MRAP2: variants seen among roughly 807,000 people sequenced by gnomAD.
MRAP2 encodes melanocortin-2 receptor accessory protein 2.
In MRAP2, 20 loss-of-function variants were observed where a neutral mutation model predicts 17.4. That is an observed-to-expected ratio of 1.15 (90% CI 0.81 to 1.67). MRAP2 has a LOEUF of 1.67. Ranked by LOEUF, MRAP2 falls within the 40% of genes most tolerant of loss-of-function variation. The probability of loss-of-function intolerance (pLI) is 0.00; values close to 1 mark genes in which losing one functional copy is unlikely to be tolerated. For missense variants in MRAP2, 238 were observed against 240.0 expected (o/e 0.99, Z 0.05); for synonymous variants, 96 against 88.4 (o/e 1.09, Z -0.48).
the MRAP2 span, among the ~76,000 whole-genome samples, chr6:84,102,230 CCCACCTATGT>C: frequency 6.6e-6 from 1 of 152,180 alleles, no homozygotes; most frequent in African/African-American, 2.4e-5. Context: ...CCACCACTCA[CCCACCTATGT>C]CCGCCTGTGA....
chr6:84,133,217 T>C, the MRAP2 span, among the ~76,000 whole-genome samples: 458 of 152,298 alleles, frequency 3.0e-3, 2 homozygotes, highest in African/African-American at 0.01. Flanking sequence ...ATCCTTCCTC[T>C]GGGAGCTTTG....
downstream of MRAP2, among the ~76,000 whole-genome samples, chr6:84,093,764 T>G (rs1188837399): frequency 2.6e-5 from 4 of 152,176 alleles, no homozygotes; most frequent in Non-Finnish European, 4.4e-5. Context: ...GGTAGTGACT[T>G]AGTGACTTTT....
the MRAP2 span, chr6:84,124,765 G>A: frequency 3.0e-6 from 1 of 332,792 alleles, no homozygotes; most frequent in African/African-American, 2.2e-5. Context: ...CAATAAAAAT[G>A]TGGCGGAGTA....
the MRAP2 span, among the ~76,000 whole-genome samples, chr6:84,112,028 G>A: frequency 3.3e-5 from 5 of 152,056 alleles, no homozygotes; most frequent in Non-Finnish European, 5.9e-5. Context: ...GAGGATTTTC[G>A]CATCAATGTT....
At chr6:84,086,919 G>A (rs1482516319) in intron 3 of MRAP2, among the ~76,000 whole-genome samples, 1 of 152,202 alleles carries the variant, frequency 6.6e-6, no homozygotes, top group Non-Finnish European at 1.5e-5. Context: ...TGGGTCTGCT[G>A]TCACACTCAG....
chr6:84,063,444 T>C (rs922572784), intron 3 of MRAP2: 1 of 979,384 alleles, frequency 1.0e-6, no homozygotes, highest in Non-Finnish European at 1.2e-6. Flanking sequence ...AATTTAACTA[T>C]TGACAATGAT....
At chr6:84,077,589 T>G (rs1024081656) in intron 3 of MRAP2, among the ~76,000 whole-genome samples, 6 of 152,262 alleles carry the variant, frequency 3.9e-5, no homozygotes, top group Non-Finnish European at 7.3e-5. Context: ...TTGTAATGTT[T>G]TGAAAATTTC....
In MRAP2 at chr6:84,084,006, A is replaced by G. The variant is rs191720369; in HGVS notation, c.228-5085A>G. On this transcript the variant is annotated intron_variant, in intron 3 of 3. Transcript: ENST00000257776. ...ACATGGCTAATGTTTATTTGCCCCA[A>G]TAGATAATCTTATTAAGGCTGTGAA... Among the ~76,000 whole-genome samples, 656 of 152,294 alleles carry G rather than the reference A, an allele frequency of 4.3e-3. 3 individuals are homozygous for G. The highest frequency in any genetic ancestry group is 5.9e-3 in the Non-Finnish European group (400 of 68,010).
the MRAP2 span, among the ~76,000 whole-genome samples, chr6:84,102,412 A>T: frequency 6.6e-6 from 1 of 152,198 alleles, no homozygotes; most frequent in African/African-American, 2.4e-5. Context: ...GTGACCATGG[A>T]AGAAGGCTCA....
At chr6:84,109,676 C>T in the MRAP2 span, among the ~76,000 whole-genome samples, 5 of 152,044 alleles carry the variant, frequency 3.3e-5, no homozygotes, top group Admixed American at 6.6e-5. Context: ...TAGGTATACA[C>T]GTGCCATAAT....
At chr6:84,126,987 T>G in the MRAP2 span, among the ~76,000 whole-genome samples, 1 of 152,162 alleles carries the variant, frequency 6.6e-6, no homozygotes, top group African/African-American at 2.4e-5. Flanking sequence ...ACTTTATAAT[T>G]TGTAGTAGTT....
At chr6:84,057,830 G>A (rs181537613) in intron 2 of MRAP2, among the ~76,000 whole-genome samples, 2 of 152,318 alleles carry the variant, frequency 1.3e-5, no homozygotes, top group Middle Eastern at 3.4e-3. Flanking sequence ...GATGTGGAGT[G>A]TGGAGGCGAC....
chr6:84,092,933 C>G (rs1029981506), downstream of MRAP2, among the ~76,000 whole-genome samples: 3 of 152,120 alleles, frequency 2.0e-5, no homozygotes, highest in Admixed American at 2.0e-4. Context: ...ATAACAAATC[C>G]TTCAAACTGG....
chr6:84,140,685 A>C, the MRAP2 span, among the ~76,000 whole-genome samples: 1 of 152,020 alleles, frequency 6.6e-6, no homozygotes. Flanking sequence ...GTTACTGCAC[A>C]GGCTAATTTT....
chr6:84,044,335 C>T (rs187029737), intron 1 of MRAP2, among the ~76,000 whole-genome samples: 49 of 152,314 alleles, frequency 3.2e-4, no homozygotes, highest in Admixed American at 2.1e-3. Context: ...TAAAGGCATG[C>T]GCCACCACAC....
chr6:84,076,612 G>A (rs1045140003), intron 3 of MRAP2, among the ~76,000 whole-genome samples: 1 of 151,780 alleles, frequency 6.6e-6, no homozygotes, highest in Admixed American at 6.6e-5. Context: ...CACCTGCCTC[G>A]GCCTCCCAAA....
At chr6:84,088,030 A>C (rs1468020868) in intron 3 of MRAP2, among the ~76,000 whole-genome samples, 1 of 152,094 alleles carries the variant, frequency 6.6e-6, no homozygotes, top group African/African-American at 2.4e-5. Context: ...CTCTGCCCAA[A>C]TTCTTACAGA....
intron 3 of MRAP2, among the ~76,000 whole-genome samples, chr6:84,072,907 C>T (rs763485180): frequency 6.6e-5 from 10 of 152,224 alleles, no homozygotes; most frequent in East Asian, 3.9e-4. Context: ...ATCGAAGGGC[C>T]GGTCTCATTC....
the MRAP2 span, among the ~76,000 whole-genome samples, chr6:84,128,747 G>A: frequency 2.0e-5 from 3 of 151,970 alleles, no homozygotes; most frequent in East Asian, 3.9e-4. Flanking sequence ...GAACGTGCAG[G>A]TTTGTTACAT....
Sources: gnomAD v4.1 joint callset for allele counts (sites outside exome capture counted in the v4.1 genomes callset) on GRCh38, gnomAD v4.1.1 for gene constraint, MANE v1.5 for transcripts, NCBI Gene and HGNC (gene_info 2026-07-23, HGNC 2026-07-21) for gene names.